The following FSTL4 variants were observed in gnomAD, a reference collection of about 807,000 sequenced individuals.
The protein encoded by FSTL4 is follistatin-related protein 4.
In FSTL4, 28 loss-of-function variants were observed where a neutral mutation model predicts 78.2. That is an observed-to-expected ratio of 0.36 (90% CI 0.27 to 0.49). The LOEUF (loss-of-function observed/expected upper bound fraction) is 0.49. FSTL4 is among the 20% of genes least tolerant of loss of function. FSTL4 has a pLI of 0.98. For synonymous variants in FSTL4, 422 were observed against 440.5 expected, an observed-to-expected ratio of 0.96 and a Z score of 0.53; for missense variants, 922 against 1,084.9, an observed-to-expected ratio of 0.85 and a Z score of 2.11.
rs368601830 is a variant in FSTL4 at position 133,320,676 on chromosome 5, C to T, written c.410-4024G>A. Reference sequence around the variant, plus strand: ...CAGCCCTCGTCTGCTGTGCGGGCTCCGAGACCTGTTTTCTGATCTTCCTCC... The same window carrying T: ...CAGCCCTCGTCTGCTGTGCGGGCTCTGAGACCTGTTTTCTGATCTTCCTCC... On this transcript the variant is annotated intron_variant, in intron 4 of 15. Transcript: ENST00000265342. 2.4e-4 allele frequency among the ~76,000 whole-genome samples: 36 copies of T among 152,220 alleles called. No individual in the cohort carries two copies. In the East Asian group the frequency reaches 5.8e-3, roughly 25 times the overall value.
At chr5:133,570,974 C>T (rs1434422282) in intron 2 of FSTL4, among the ~76,000 whole-genome samples, 3 of 152,086 alleles carry the variant, frequency 2.0e-5, no homozygotes, top group African/African-American at 7.2e-5. Flanking sequence ...GTCAGAAACC[C>T]TGGAAAAGGA....
intron 4 of FSTL4, among the ~76,000 whole-genome samples, chr5:133,321,869 AC>A (rs1248435453): frequency 7.2e-5 from 11 of 152,146 alleles, no homozygotes; most frequent in African/African-American, 2.4e-4. Flanking sequence ...CCAGGTTGGG[AC>A]CCGCAGGGGA....
intron 4 of FSTL4, among the ~76,000 whole-genome samples, chr5:133,369,312 G>C (rs1368628097): frequency 6.6e-6 from 1 of 152,184 alleles, no homozygotes; most frequent in East Asian, 1.9e-4. Flanking sequence ...CTGGTATCTT[G>C]CTAATTTGCA....
intron 4 of FSTL4, among the ~76,000 whole-genome samples, chr5:133,364,736 G>A (rs868799580): frequency 1.3e-5 from 2 of 152,148 alleles, no homozygotes; most frequent in South Asian, 2.1e-4. Context: ...CATTTGTGCT[G>A]AAAAGCTTTT....
At chr5:133,540,333 C>T (rs1199233072) in intron 3 of FSTL4, among the ~76,000 whole-genome samples, 1 of 152,036 alleles carries the variant, frequency 6.6e-6, no homozygotes, top group Non-Finnish European at 1.5e-5. Context: ...CATACTTTTT[C>T]CAAGAAAAGC....
intron 4 of FSTL4, among the ~76,000 whole-genome samples, chr5:133,355,915 C>T (rs1173032811): frequency 1.3e-5 from 2 of 152,172 alleles, no homozygotes; most frequent in Non-Finnish European, 2.9e-5. Flanking sequence ...CGAGAACTGT[C>T]TGACTCTTAG....
At chr5:133,238,900 G>GAGCC (rs1452896289) in intron 7 of FSTL4, among the ~76,000 whole-genome samples, 1 of 152,252 alleles carries the variant, frequency 6.6e-6, no homozygotes, top group Non-Finnish European at 1.5e-5. Context: ...CATGCTTGAG[G>GAGCC]AGCCCTTCAG....
At chr5:133,281,859 T>G (rs1014120015) in intron 6 of FSTL4, among the ~76,000 whole-genome samples, 2 of 151,294 alleles carry the variant, frequency 1.3e-5, no homozygotes, top group Admixed American at 1.3e-4. Flanking sequence ...TTCTGGGGAG[T>G]GTGGTGGCTG....
In FSTL4 at chr5:133,258,160, T is replaced by G. The variant is rs1162571428; in HGVS notation, c.728-8584A>C. Reference sequence around the variant, plus strand: ...CTCTCTTGGAGCCAGAATGGGGCCATGTCATTGGGTTTGACATGGTAGGTG... The same window carrying G: ...CTCTCTTGGAGCCAGAATGGGGCCAGGTCATTGGGTTTGACATGGTAGGTG... On this transcript the variant is annotated intron_variant, in intron 6 of 15. Coordinates refer to ENST00000265342, the MANE Select transcript of FSTL4 (RefSeq NM_015082.2). Among the ~76,000 whole-genome samples the G allele has an allele frequency of 7.9e-5, 12 of 152,218 alleles. 1 individual carries two copies. The highest frequency in any genetic ancestry group is 7.9e-4 in the Admixed American group (12 of 15,284).
chr5:133,648,807 A>G, the FSTL4 span, among the ~76,000 whole-genome samples: 2 of 152,140 alleles, frequency 1.3e-5, no homozygotes, highest in Non-Finnish European at 1.5e-5. Flanking sequence ...AACCTCTCCT[A>G]CAATCAGCAT....
chr5:133,559,829 A>G (rs1014088911), intron 3 of FSTL4, among the ~76,000 whole-genome samples: 25 of 152,176 alleles, frequency 1.6e-4, no homozygotes, highest in African/African-American at 6.0e-4. Context: ...CTCTCTGAGG[A>G]TGGTAGTTAA....
the FSTL4 span, among the ~76,000 whole-genome samples, chr5:133,718,888 G>GTTCT: frequency 6.6e-6 from 1 of 152,072 alleles, no homozygotes; most frequent in East Asian, 1.9e-4. Flanking sequence ...TTCAGTTTTA[G>GTTCT]TTCTTTTTAA....
At chr5:133,379,854 A>G (rs1580662839) in intron 4 of FSTL4, among the ~76,000 whole-genome samples, 1 of 152,148 alleles carries the variant, frequency 6.6e-6, no homozygotes, top group African/African-American at 2.4e-5. Flanking sequence ...AGGCAGGCGG[A>G]TCACAAGGTC....
chr5:133,381,479 T>C (rs1016746939), intron 4 of FSTL4, among the ~76,000 whole-genome samples: 2 of 152,116 alleles, frequency 1.3e-5, no homozygotes, highest in Non-Finnish European at 2.9e-5. Flanking sequence ...TTTATGAATA[T>C]AAATTTAGAT....
the FSTL4 span, among the ~76,000 whole-genome samples, chr5:133,826,940 C>T: frequency 6.6e-6 from 1 of 152,246 alleles, no homozygotes; most frequent in African/African-American, 2.4e-5. Flanking sequence ...CAGGGCCCAG[C>T]AGGGCAGGGA....
chr5:133,661,148 G>A, the FSTL4 span, among the ~76,000 whole-genome samples: 1 of 152,146 alleles, frequency 6.6e-6, no homozygotes, highest in Non-Finnish European at 1.5e-5. Flanking sequence ...GCGCCATCAT[G>A]CCTGGCTAAT....
the FSTL4 span, among the ~76,000 whole-genome samples, chr5:133,708,349 C>T: frequency 6.6e-6 from 1 of 152,166 alleles, no homozygotes; most frequent in African/African-American, 2.4e-5. Context: ...TCCTCCAGGA[C>T]CCGCTGTGGG....
At chr5:133,470,493 G>A (rs557316691) in intron 3 of FSTL4, among the ~76,000 whole-genome samples, 9 of 152,182 alleles carry the variant, frequency 5.9e-5, no homozygotes, top group East Asian at 1.9e-4. Flanking sequence ...GCCTGTAATT[G>A]CAGCATTTTG....
At chr5:133,401,162 C>T (rs546740504) in intron 3 of FSTL4, among the ~76,000 whole-genome samples, 176 bp from the exon 4 acceptor site, 40 of 152,320 alleles carry the variant, frequency 2.6e-4, no homozygotes, top group South Asian at 4.2e-4. Flanking sequence ...ATGAGGTGGT[C>T]ATTGGTGCCA....
Sources: gnomAD v4.1 joint callset for allele counts (sites outside exome capture counted in the v4.1 genomes callset) on GRCh38, gnomAD v4.1.1 for gene constraint, MANE v1.5 for transcripts, NCBI Gene and HGNC (gene_info 2026-07-23, HGNC 2026-07-21) for gene names.